The following PRKX variants were observed in gnomAD, a reference collection of about 807,000 sequenced individuals.
The protein encoded by PRKX is cAMP-dependent protein kinase catalytic subunit PRKX.
Under a neutral mutation model 22.0 loss-of-function variants are expected in PRKX, and 12 were observed. That is an observed-to-expected ratio of 0.54 (90% CI 0.35 to 0.88). The LOEUF is 0.88. Ranked by LOEUF, PRKX falls within the 40% of genes least tolerant of loss-of-function variation. The pLI is 0.01. For missense variants in PRKX, 217 were observed against 308.0 expected, an observed-to-expected ratio of 0.70 and a Z score of 2.21; for synonymous variants, 134 against 137.7, an observed-to-expected ratio of 0.97 and a Z score of 0.19.
rs1021095452 is a variant in PRKX at position 3,665,124 on chromosome X, G to A, written c.335+9474C>T. Among the ~76,000 whole-genome samples, 7 of 111,756 alleles carry A rather than the reference G, an allele frequency of 6.3e-5. No homozygotes were observed. In the East Asian group the frequency reaches 8.5e-4, roughly 14 times the overall value. On this transcript the variant is annotated intron_variant, in intron 2 of 8. Coordinates refer to ENST00000262848, the MANE Select transcript of PRKX (RefSeq NM_005044.5). ...TGTGTGTGCATGCATATATGTGTGC[G>A]TGCATGTGTGTGTGCACGTGCACGT...
At chrX:3,645,033 G>A (rs912446012) in intron 3 of PRKX, among the ~76,000 whole-genome samples, 3 of 111,897 alleles carry the variant, frequency 2.7e-5, no homozygotes, top group African/African-American at 9.8e-5. Flanking sequence ...CCTGCAAAAA[G>A]CCCCAACGCC....
At chrX:3,690,602 T>A (rs1928303538) in intron 1 of PRKX, among the ~76,000 whole-genome samples, 1 of 111,478 alleles carries the variant, frequency 9.0e-6, no homozygotes, top group African/African-American at 3.3e-5. Context: ...CATGGTGGCA[T>A]GCGACTATAG....
rs1192696924 is a variant in PRKX, at chrX:3,713,122, G to A, written c.132C>T (p.Tyr44=). 1 of 1,162,081 alleles carries A rather than the reference G, an allele frequency of 8.6e-7. No individual in the cohort carries two copies. Among genetic ancestry groups the A allele is most frequent in the Non-Finnish European group, 1.1e-6 (1 of 874,074 alleles). The change falls in exon 1 of 9, where the codon TAC becomes TAT. Residue 44 remains tyrosine (Y), a synonymous_variant. Transcript: ENST00000262848. ...CCAGCGTGTCAAAGTCCTGCAGGCT[G>A]TACACAGGCGGCTCCGGCGACAGCG... ...PEALSPEPPV[Y]SLQDFDTLAT... is the part of the protein sequence containing the mutation.
chrX:3,620,620 T>C (rs927301710), intron 6 of PRKX, among the ~76,000 whole-genome samples: 9 of 112,403 alleles, frequency 8.0e-5, no homozygotes, highest in African/African-American at 2.6e-4. Flanking sequence ...TAGATTCTCA[T>C]AGGAGCACAC....
At chrX:3,683,099 C>T (rs1316075679) in intron 1 of PRKX, among the ~76,000 whole-genome samples, 1 of 112,287 alleles carries the variant, frequency 8.9e-6, no homozygotes, top group Non-Finnish European at 1.9e-5. Flanking sequence ...AGAGGGAGCA[C>T]AGCCCTGCCG....
intron 4 of PRKX, among the ~76,000 whole-genome samples, chrX:3,632,022 G>C (rs1382265896): frequency 8.0e-5 from 9 of 112,052 alleles, no homozygotes; most frequent in Non-Finnish European, 1.7e-4. Context: ...AAACAAAGAG[G>C]AGAAATATGA....
intron 7 of PRKX, 80 bp downstream of exon 7, chrX:3,615,735 A>G: frequency 3.8e-6 from 3 of 789,531 alleles, no homozygotes; most frequent in Non-Finnish European, 5.6e-6. Context: ...CCATCAATAA[A>G]GAAGTCCCAG....
At position 3,643,532 on chromosome X, in the gene PRKX, G is replaced by A. The variant is rs771757824; in HGVS notation, c.600-1561C>T. On this transcript the variant is annotated intron_variant, in intron 3 of 8. Coordinates refer to ENST00000262848, the MANE Select transcript of PRKX (RefSeq NM_005044.5). ...CTACTGCTGGGTAGAATGTCGCTTC[G>A]GGCTTTCAGCAATTCAGACCTGTAG... Among the ~76,000 whole-genome samples the A allele has an allele frequency of 8.1e-5, 9 of 110,719 alleles. No individual in the cohort carries two copies. In the South Asian group the frequency reaches 2.0e-3, roughly 24 times the overall value.
rs1295831550 is a variant in PRKX at position 3,659,720 on chromosome X, TTTTTTTTTG to T, written c.336-4317_336-4309del. 4.7e-3 allele frequency among the ~76,000 whole-genome samples: 134 copies of T among 28,646 alleles called. 1 individual carries two copies. Among genetic ancestry groups the T allele is most frequent in the Middle Eastern group, 0.029 (2 of 70 alleles). 24.9% of individuals were successfully genotyped at this position (28,646 alleles called of 115,157 possible). A position where few individuals can be genotyped will look rare whatever the true frequency, so the allele number is the denominator to read the frequency against. ...TTGTTGGAGTGGTGTTTTTTTTGTT[TTTTTTTTTG>T]TTTTTTTTTTTTTTGAGACAGTCTT... On this transcript the variant is annotated intron_variant, in intron 2 of 8. Coordinates refer to ENST00000262848, the MANE Select transcript of PRKX (RefSeq NM_005044.5).
chrX:3,664,476 G>A (rs989604070), intron 2 of PRKX, among the ~76,000 whole-genome samples: 39 of 112,077 alleles, frequency 3.5e-4, no homozygotes, highest in African/African-American at 1.1e-3. Context: ...GGGCTCAAGC[G>A]ATCCTCCTGC....
At position 3,605,466 on chromosome X, in the gene PRKX, A is replaced by T. The variant is rs1462865680; in HGVS notation, c.*3503T>A. The T allele has an allele frequency of 1.8e-5, 2 of 112,605 alleles. No individual in the cohort carries two copies. Among genetic ancestry groups the T allele is most frequent in the African/African-American group, 6.5e-5 (2 of 30,945 alleles). The allele number at this position is 112,605 out of a possible 1,213,427, so 9.3% of individuals were successfully genotyped here. ...CAGCCTGAGGTGCACCTGGCTACAGAGTGGAGCCTTGGGGTCTTTAACAGT... is the reference window on the plus strand; with the variant it reads ...CAGCCTGAGGTGCACCTGGCTACAGTGTGGAGCCTTGGGGTCTTTAACAGT... On this transcript the variant is annotated 3_prime_UTR_variant, in exon 9 of 9. Transcript: ENST00000262848.
intron 8 of PRKX, among the ~76,000 whole-genome samples, chrX:3,610,067 T>C (rs1391595597): frequency 8.9e-6 from 1 of 112,196 alleles, no homozygotes. Context: ...GGAGAAGATT[T>C]GGCTTCATGA....
intron 1 of PRKX, among the ~76,000 whole-genome samples, chrX:3,683,383 T>TG (rs1444417291): frequency 9.1e-6 from 1 of 109,782 alleles, no homozygotes; most frequent in African/African-American, 3.3e-5. Flanking sequence ...CAGGAAAGAG[T>TG]GGGGCTAAGA....
In PRKX at chrX:3,605,026, C is replaced by T. The variant is rs1429385376; in HGVS notation, c.*3943G>A. 9.6e-6 allele frequency: 1 copy of T among 103,738 alleles called. No individual in the cohort carries two copies. The highest frequency in any genetic ancestry group is 3.6e-5 in the African/African-American group (1 of 27,399). The allele number at this position is 103,738 out of a possible 1,213,427, so 8.5% of individuals were successfully genotyped here. A position where few individuals can be genotyped will look rare whatever the true frequency, so the allele number is the denominator to read the frequency against. ...ACCTTCACCAAGACACACACACACA[C>T]ACACACACACACACACACACACACA... On this transcript the variant is annotated 3_prime_UTR_variant, in exon 9 of 9. Transcript: ENST00000262848.
At chrX:3,615,675 T>C in intron 7 of PRKX, 140 bp downstream of exon 7, 1 of 543,927 alleles carries the variant, frequency 1.8e-6, no homozygotes, top group South Asian at 3.3e-5. Context: ...ACTTGGCTTA[T>C]GAACAGTTTT....
At chrX:3,638,743 T>A (rs1381327273) in intron 4 of PRKX, among the ~76,000 whole-genome samples, 8 of 110,496 alleles carry the variant, frequency 7.2e-5, no homozygotes, top group African/African-American at 2.6e-4. Context: ...AGTAGATGAT[T>A]GATAAATACA....
intron 1 of PRKX, among the ~76,000 whole-genome samples, chrX:3,701,795 G>C (rs1372710486): frequency 1.8e-5 from 2 of 111,724 alleles, no homozygotes; most frequent in African/African-American, 6.5e-5. Flanking sequence ...ATGGTGACAA[G>C]AGTGACCTCT....
chrX:3,618,036 G>A (rs1188100155), intron 6 of PRKX, among the ~76,000 whole-genome samples: 1 of 82,798 alleles, frequency 1.2e-5, no homozygotes, highest in Non-Finnish European at 2.2e-5. Context: ...TGCAACCTCC[G>A]CCTTGCTGTG....
At chrX:3,645,004 CCT>C (rs1258790268) in intron 3 of PRKX, among the ~76,000 whole-genome samples, 1 of 111,661 alleles carries the variant, frequency 9.0e-6, no homozygotes, top group Non-Finnish European at 1.9e-5. Flanking sequence ...GGACTCCTGC[CCT>C]GTTAGAGTCA....
Sources: allele counts gnomAD v4.1 joint callset (sites outside exome capture counted in the v4.1 genomes callset), GRCh38; gene constraint gnomAD v4.1.1; transcripts MANE v1.5; gene names NCBI Gene and HGNC (gene_info 2026-07-23, HGNC 2026-07-21).